Variants in RNF20 observed in about 807,000 individuals in gnomAD.
The protein encoded by RNF20 is ring finger protein 20.
Under a neutral mutation model 126.2 loss-of-function variants are expected in RNF20, and 84 were observed. The observed-to-expected ratio is 0.67, with a 90% confidence interval of 0.56 to 0.80. RNF20 has a LOEUF of 0.80. Among genes scored for constraint, RNF20 ranks in the 30% least tolerant of loss-of-function variants. The pLI, the probability that RNF20 is intolerant of heterozygous loss-of-function variation, is 0.00. For missense variants in RNF20, 869 were observed against 1,188.2 expected (o/e 0.73, Z 3.95); for synonymous variants, 400 against 414.3 (o/e 0.97, Z 0.42).
At chr9:101,560,981 A>G in intron 17 of RNF20, 55 bp downstream of exon 17, 5 of 1,600,644 alleles carry the variant, frequency 3.1e-6, no homozygotes, top group Non-Finnish European at 3.4e-6. Context: ...TAAGTATAAC[A>G]CTGTTGAGAT....
intron 16 of RNF20, among the ~76,000 whole-genome samples, chr9:101,558,991 G>A (rs938847509): frequency 3.9e-5 from 6 of 152,012 alleles, no homozygotes; most frequent in African/African-American, 1.4e-4. Context: ...TTGTCTAGAA[G>A]GATTTTTCCA....
intron 10 of RNF20, 147 bp from the exon 11 acceptor site, chr9:101,551,537 C>A: frequency 3.0e-6 from 1 of 333,756 alleles, no homozygotes; most frequent in Admixed American, 5.5e-5. Context: ...TTTCAGTATC[C>A]TGTCAGTTTC....
At chr9:101,542,032 C>T (rs1386780956) in intron 5 of RNF20, among the ~76,000 whole-genome samples, 1 of 151,958 alleles carries the variant, frequency 6.6e-6, no homozygotes, top group African/African-American at 2.4e-5. Flanking sequence ...TCTTAATTTC[C>T]CTGCTTATCA....
chr9:101,544,630 C>T (rs1448439156), intron 5 of RNF20, 137 bp from the exon 6 acceptor site: 6 of 579,456 alleles, frequency 1.0e-5, no homozygotes, highest in Non-Finnish European at 1.8e-5. Flanking sequence ...CGGCTCGAAC[C>T]CTGGAGGCAG....
At position 101,553,910 on chromosome 9, in the gene RNF20, T is replaced by C. The variant is rs964910440; in HGVS notation, c.1902-78T>C. On this transcript the variant is annotated intron_variant, in intron 13 of 19. Coordinates refer to ENST00000389120, the MANE Select transcript of RNF20 (RefSeq NM_019592.7). ...ATGAAACTGTTTTAAAATATTCTGC[T>C]CAATCAAAATTCCCTTGCTCTGATG... is the stretch of plus-strand genomic sequence containing the variant. 1.8e-5 allele frequency: 14 copies of C among 760,382 alleles called. No homozygotes were observed. The African/African-American group carries it at 2.1e-4, about 12-fold the overall frequency. The allele number at this position is 760,382 out of a possible 1,614,324, so 47.1% of individuals were successfully genotyped here.
intron 6 of RNF20, among the ~76,000 whole-genome samples, chr9:101,546,503 A>G (rs1827349557): frequency 6.6e-6 from 1 of 152,196 alleles, no homozygotes; most frequent in Non-Finnish European, 1.5e-5. Context: ...TCTCTTAAAA[A>G]ATTACAAAAT....
At position 101,554,734 on chromosome 9, in the gene RNF20, A is replaced by G; in HGVS notation, c.2060A>G (p.Lys687Arg). ...LRQRLKDLED[K>R]EKKENKKMAD... The stretch of plus-strand genomic sequence containing the variant: ...CAAAGACTCAAGGATCTGGAAGATA[A>G]AGAGAAGAAAGAGAACAAGAAAATG... The change falls in exon 15 of 20, where the codon AAA (lysine) becomes AGA (arginine). Residue 687 changes from lysine to arginine, a missense_variant. Transcript: ENST00000389120. 1.9e-6 allele frequency: 3 copies of G among 1,609,806 alleles called. No homozygotes were observed. Among genetic ancestry groups the G allele is most frequent in the Non-Finnish European group, 2.5e-6 (3 of 1,177,276 alleles).
chr9:101,539,874 C>A (rs1827232588), intron 2 of RNF20, among the ~76,000 whole-genome samples: 1 of 151,828 alleles, frequency 6.6e-6, no homozygotes, highest in Non-Finnish European at 1.5e-5. Context: ...ATGGTGCTTA[C>A]GAGATAGAAG....
Position 101,552,751 on chromosome 9 carries a change from C to A in RNF20, c.1899C>A (p.Leu633=), listed in dbSNP as rs369046078. Reference sequence around the variant, plus strand: ...TTATCAAACAATTGAAGATTGAACTCAAGTAAGAACCACATTTAGAGTAAC... The same window carrying A: ...TTATCAAACAATTGAAGATTGAACTAAAGTAAGAACCACATTTAGAGTAAC... ...AEIIKQLKIE[L]KKAQESQKEM... Residue 633 remains leucine, a splice_region_variant and synonymous_variant, in exon 13 of 20, where the codon CTC becomes CTA. Coordinates refer to ENST00000389120, the MANE Select transcript of RNF20 (RefSeq NM_019592.7). 10 of 1,601,866 alleles carry A rather than the reference C, an allele frequency of 6.2e-6. No homozygotes were observed. Among genetic ancestry groups the A allele is most frequent in the Non-Finnish European group, 7.7e-6 (9 of 1,174,122 alleles).
At chr9:101,545,252 G>C (rs72745318) in intron 6 of RNF20, among the ~76,000 whole-genome samples, 22,942 of 152,172 alleles carry the variant, frequency 0.15, 2,298 homozygotes, top group East Asian at 0.36. Context: ...AAATGATCAA[G>C]ATAAAGTGAT....
At chr9:101,558,149 A>G (rs118099584) in intron 16 of RNF20, among the ~76,000 whole-genome samples, 9,091 of 151,154 alleles carry the variant, frequency 0.06, 357 homozygotes, top group Admixed American at 0.097. Context: ...TGTGTAGTCT[A>G]TTGTACCCAG....
At chr9:101,549,112 A>G (rs143106296) in intron 9 of RNF20, among the ~76,000 whole-genome samples, 3,083 of 152,272 alleles carry the variant, frequency 0.02, 96 homozygotes, top group African/African-American at 0.07. Context: ...ACACAAGACA[A>G]AGAGATAAAA....
At chr9:101,534,382 A>G (rs1328627556) in intron 1 of RNF20, 1 of 152,154 alleles carries the variant, frequency 6.6e-6, no homozygotes, top group African/African-American at 2.4e-5. Flanking sequence ...CACTGTTTCA[A>G]AGCAACACGG....
At chr9:101,552,841 G>C in intron 13 of RNF20, 88 bp downstream of exon 13, 1 of 1,270,986 alleles carries the variant, frequency 7.9e-7, no homozygotes, top group African/African-American at 1.5e-5. Flanking sequence ...GGCATGGCTT[G>C]TCTGATCGTT....
intron 9 of RNF20, among the ~76,000 whole-genome samples, chr9:101,549,895 T>G (rs934687974): frequency 1.3e-5 from 2 of 152,230 alleles, no homozygotes; most frequent in African/African-American, 4.8e-5. Context: ...TTAATGATAT[T>G]CATATATAAT....
At chr9:101,560,158 C>A (rs1402592663) in intron 16 of RNF20, among the ~76,000 whole-genome samples, 1 of 152,118 alleles carries the variant, frequency 6.6e-6, no homozygotes, top group Non-Finnish European at 1.5e-5. Context: ...TTGAGATGAT[C>A]ATGTGATTTT....
intron 9 of RNF20, among the ~76,000 whole-genome samples, chr9:101,548,680 A>G (rs1564109597): frequency 6.6e-6 from 1 of 152,190 alleles, no homozygotes; most frequent in Non-Finnish European, 1.5e-5. Context: ...TTACTTACAT[A>G]TTTACTTATT....
In RNF20 at chr9:101,560,226, C is replaced by T. The variant is rs533371496; in HGVS notation, c.2383-575C>T. On this transcript the variant is annotated intron_variant, in intron 16 of 19. Transcript: ENST00000389120. Reference sequence around the variant, plus strand: ...TATTGACTTGTGGATGTCAAACCATCCCTGTATCCCTGGTGTGAGACCCAC... The same window carrying T: ...TATTGACTTGTGGATGTCAAACCATTCCTGTATCCCTGGTGTGAGACCCAC... Among the ~76,000 whole-genome samples the T allele has an allele frequency of 9.9e-5, 15 of 152,244 alleles. No homozygotes were observed. In the South Asian group the frequency reaches 3.1e-3, roughly 32 times the overall value.
At chr9:101,545,020 C>G in intron 6 of RNF20, 135 bp downstream of exon 6, 1 of 661,028 alleles carries the variant, frequency 1.5e-6, no homozygotes. Context: ...AAACACAACA[C>G]AACTCCAAAC....
Sources: gnomAD v4.1 joint callset for allele counts (sites outside exome capture counted in the v4.1 genomes callset) on GRCh38, gnomAD v4.1.1 for gene constraint, MANE v1.5 for transcripts, NCBI Gene and HGNC (gene_info 2026-07-23, HGNC 2026-07-21) for gene names.